The following PPP2R2C variants were observed in gnomAD, a reference collection of about 807,000 sequenced individuals.
PPP2R2C encodes protein phosphatase 2, regulatory subunit B, gamma.
In PPP2R2C, 10 loss-of-function variants were observed where a neutral mutation model predicts 45.3. The observed-to-expected ratio is 0.22, with a 90% CI of 0.14 to 0.37. The LOEUF (loss-of-function observed/expected upper bound fraction) is 0.37, where lower values mean the gene tolerates loss of function less well. Among genes scored for constraint, PPP2R2C ranks in the 10% least tolerant of loss-of-function variants. The probability of loss-of-function intolerance (pLI) is 1.00; values close to 1 mark genes in which losing one functional copy is unlikely to be tolerated. For synonymous variants in PPP2R2C, 257 were observed against 245.4 expected (o/e 1.05, Z -0.44); for missense variants, 308 against 619.7 (o/e 0.50, Z 5.34).
chr4:6,494,123 G>A (rs148002812), intron 2 of PPP2R2C, among the ~76,000 whole-genome samples: 10 of 152,312 alleles, frequency 6.6e-5, no homozygotes, highest in Non-Finnish European at 1.3e-4. Flanking sequence ...CCAGGGACAG[G>A]ATCAGGCAGG....
intron 1 of PPP2R2C, among the ~76,000 whole-genome samples, chr4:6,467,372 GATCT>G (rs1304022145): frequency 4.6e-5 from 7 of 151,974 alleles, no homozygotes; most frequent in African/African-American, 1.7e-4. Flanking sequence ...ATCACTTACT[GATCT>G]ATTAAGAATA....
chr4:6,511,010 CAG>C (rs1723429593), intron 2 of PPP2R2C, among the ~76,000 whole-genome samples: 1 of 121,712 alleles, frequency 8.2e-6, no homozygotes, highest in Non-Finnish European at 1.7e-5. Flanking sequence ...AAAAAAAAAA[CAG>C]AAAATGTTTG....
upstream of PPP2R2C, among the ~76,000 whole-genome samples, chr4:6,472,829 C>CT (rs1319769525): frequency 2.0e-5 from 3 of 151,858 alleles, no homozygotes; most frequent in Non-Finnish European, 1.5e-5. Flanking sequence ...ATCAGCTGAG[C>CT]TTGGGGGGAG....
chr4:6,549,644 T>C (rs1019425939), intron 1 of PPP2R2C, among the ~76,000 whole-genome samples: 2 of 152,224 alleles, frequency 1.3e-5, no homozygotes, highest in Non-Finnish European at 2.9e-5. Context: ...TGGGCTCTGA[T>C]GACACCTGCT....
Position 6,557,431 on chromosome 4 carries a change from G to A in PPP2R2C, c.-59+6129C>T, listed in dbSNP as rs140429137. Among the ~76,000 whole-genome samples, 361 of 152,290 alleles carry A rather than the reference G, an allele frequency of 2.4e-3. 9 individuals are homozygous for A. Among genetic ancestry groups the A allele is most frequent in the Admixed American group, 0.021 (323 of 15,300 alleles). On this transcript the variant is annotated intron_variant, in intron 1 of 9. Transcript: ENST00000506140. ...AAGAAAAGATGATGACGTTGGACCC[G>A]GAGTACAGTGATGGAGACTCCCTGG...
intron 1 of PPP2R2C, among the ~76,000 whole-genome samples, chr4:6,470,533 C>T (rs999352632): frequency 6.6e-6 from 1 of 152,222 alleles, no homozygotes; most frequent in African/African-American, 2.4e-5. Flanking sequence ...CAGAGGCTTG[C>T]TCCAGGAAGC....
At chr4:6,418,493 C>T (rs982893204) in intron 1 of PPP2R2C, among the ~76,000 whole-genome samples, 16 of 152,270 alleles carry the variant, frequency 1.1e-4, no homozygotes, top group African/African-American at 3.9e-4. Context: ...TCCTCCTCCT[C>T]TTCTCTAAAC....
At chr4:6,550,909 G>T (rs1481813019) in intron 1 of PPP2R2C, among the ~76,000 whole-genome samples, 2 of 152,178 alleles carry the variant, frequency 1.3e-5, no homozygotes, top group African/African-American at 4.8e-5. Flanking sequence ...GCATCCCAAA[G>T]TGCTGGGGTT....
intron 1 of PPP2R2C, among the ~76,000 whole-genome samples, chr4:6,469,060 C>A (rs1199395088): frequency 9.2e-6 from 1 of 109,114 alleles, no homozygotes; most frequent in Non-Finnish European, 1.7e-5. Flanking sequence ...CAAGAGTAAG[C>A]CACCCAGCCC....
At chr4:6,497,866 C>G (rs759031102) in intron 2 of PPP2R2C, among the ~76,000 whole-genome samples, 18 of 152,180 alleles carry the variant, frequency 1.2e-4, no homozygotes, top group Non-Finnish European at 2.2e-4. Context: ...TGAGAAGTGC[C>G]TTAAAACATA....
chr4:6,550,425 CA>C (rs1343146428), intron 1 of PPP2R2C, among the ~76,000 whole-genome samples: 1 of 152,204 alleles, frequency 6.6e-6, no homozygotes, highest in African/African-American at 2.4e-5. Context: ...CCCAGCTGCA[CA>C]GAACTTCACC....
At chr4:6,468,984 G>A (rs977691909) in intron 1 of PPP2R2C, among the ~76,000 whole-genome samples, 12 of 146,364 alleles carry the variant, frequency 8.2e-5, no homozygotes, top group African/African-American at 3.1e-4. Flanking sequence ...AAAGTTCTCT[G>A]TGCCCCCAGG....
chr4:6,467,548 C>T (rs1046445741), intron 1 of PPP2R2C, among the ~76,000 whole-genome samples: 6 of 152,234 alleles, frequency 3.9e-5, no homozygotes, highest in African/African-American at 1.4e-4. Flanking sequence ...AATTGGCAAC[C>T]TTGACTTGAG....
intron 1 of PPP2R2C, among the ~76,000 whole-genome samples, chr4:6,541,151 C>T (rs935531160): frequency 6.6e-6 from 1 of 152,168 alleles, no homozygotes; most frequent in Non-Finnish European, 1.5e-5. Context: ...CAGCTTATGT[C>T]CCATTGGTTA....
intron 1 of PPP2R2C, among the ~76,000 whole-genome samples, chr4:6,560,198 G>A (rs1016771411): frequency 2.6e-5 from 4 of 152,210 alleles, no homozygotes; most frequent in African/African-American, 9.6e-5. Flanking sequence ...AGACCCTCCT[G>A]GAGGAGGGCA....
chr4:6,348,770 A>G (rs1712247590), intron 5 of PPP2R2C: 6 of 899,616 alleles, frequency 6.7e-6, no homozygotes, highest in Non-Finnish European at 6.6e-6. Context: ...CAGACAGTGG[A>G]AAGAGTGCAG....
intron 1 of PPP2R2C, among the ~76,000 whole-genome samples, chr4:6,559,117 T>A (rs1164602219): frequency 2.0e-5 from 3 of 152,264 alleles, no homozygotes; most frequent in Admixed American, 6.5e-5. Context: ...TGAGAAGGAA[T>A]CACAGAACAG....
intron 1 of PPP2R2C, among the ~76,000 whole-genome samples, chr4:6,408,024 A>C (rs2109361783): frequency 6.6e-6 from 1 of 152,268 alleles, no homozygotes. Flanking sequence ...TTGGATATAC[A>C]AATTATTACA....
Position 6,494,866 on chromosome 4 carries a change from G to C in PPP2R2C, c.49+40405C>G, listed in dbSNP as rs936270904. The stretch of plus-strand genomic sequence containing the variant: ...AAGCAAGGGGAAACCTGAGTAAAAG[G>C]GTTTTATTCAGAGAACTCTCCTGGC... On this transcript the variant is annotated intron_variant, in intron 2 of 9. Coordinates refer to the PPP2R2C transcript ENST00000506140. Among the ~76,000 whole-genome samples the C allele has an allele frequency of 3.9e-4, 59 of 152,358 alleles. 1 individual carries two copies. Among genetic ancestry groups the C allele is most frequent in the African/African-American group, 1.2e-3 (49 of 41,584 alleles).
Sources: gnomAD v4.1 joint callset for allele counts (sites outside exome capture counted in the v4.1 genomes callset) on GRCh38, gnomAD v4.1.1 for gene constraint, MANE v1.5 for transcripts, NCBI Gene and HGNC (gene_info 2026-07-23, HGNC 2026-07-21) for gene names.